The following CDH13 variants were observed in gnomAD, a reference collection of about 807,000 sequenced individuals.
CDH13 encodes the protein cadherin-13.
CDH13 carries 24 observed loss-of-function variants against 63.8 expected under a neutral mutation model. That is an observed-to-expected ratio of 0.38 (90% CI 0.27 to 0.53). CDH13 has a LOEUF of 0.53. Ranked by LOEUF, CDH13 falls within the 20% of genes least tolerant of loss-of-function variation. CDH13 has a pLI of 0.85. For synonymous variants in CDH13, 503 were observed against 355.3 expected (o/e 1.42, Z -4.67); for missense variants, 1,049 against 903.1 (o/e 1.16, Z -2.07).
intron 9 of CDH13, among the ~76,000 whole-genome samples, chr16:83,672,681 T>A (rs928266771): frequency 6.6e-6 from 1 of 152,116 alleles, no homozygotes; most frequent in African/African-American, 2.4e-5. Flanking sequence ...CGCCTTGGCC[T>A]CCCAAAGTGC....
At chr16:82,869,655 A>T (rs2151186109) in intron 2 of CDH13, among the ~76,000 whole-genome samples, 1 of 152,308 alleles carries the variant, frequency 6.6e-6, no homozygotes, top group South Asian at 2.1e-4. Flanking sequence ...AATGGGACAG[A>T]ATAGCTAACC....
At chr16:83,000,235 T>A (rs1455790200) in intron 2 of CDH13, among the ~76,000 whole-genome samples, 7 of 84,074 alleles carry the variant, frequency 8.3e-5, no homozygotes, top group South Asian at 4.9e-4. Flanking sequence ...TTTTTTTTTT[T>A]TTTTTTTTTT....
At chr16:83,608,743 A>G (rs1908588852) in intron 8 of CDH13, among the ~76,000 whole-genome samples, 1 of 151,334 alleles carries the variant, frequency 6.6e-6, no homozygotes. Context: ...ATTGGGCCCA[A>G]GCAATCCACC....
At chr16:83,349,961 G>T (rs1437630255) in intron 6 of CDH13, among the ~76,000 whole-genome samples, 1 of 152,122 alleles carries the variant, frequency 6.6e-6, no homozygotes, top group Non-Finnish European at 1.5e-5. Context: ...CCTTTTTGGG[G>T]AGCTCAAGGA....
intron 6 of CDH13, among the ~76,000 whole-genome samples, chr16:83,476,679 A>G (rs1287651529): frequency 2.6e-5 from 4 of 152,214 alleles, no homozygotes; most frequent in African/African-American, 9.7e-5. Context: ...ACTGTCTCAA[A>G]AAAAACTCTT....
At chr16:83,620,349 C>G (rs1244228704) in intron 8 of CDH13, among the ~76,000 whole-genome samples, 1 of 146,412 alleles carries the variant, frequency 6.8e-6, no homozygotes, top group African/African-American at 2.6e-5. Context: ...CGAGATCGCA[C>G]CACTGCACTA....
chr16:83,273,202 C>T (rs1195838814), intron 5 of CDH13, among the ~76,000 whole-genome samples: 1 of 151,946 alleles, frequency 6.6e-6, no homozygotes, highest in Non-Finnish European at 1.5e-5. Flanking sequence ...CTTTTAGGTG[C>T]AGGGGATACA....
At chr16:83,291,300 GT>G (rs2089460509) in intron 5 of CDH13, among the ~76,000 whole-genome samples, 1 of 152,064 alleles carries the variant, frequency 6.6e-6, no homozygotes, top group Admixed American at 6.6e-5. Context: ...TATTCAGGGG[GT>G]TCTACTTCTT....
chr16:83,621,407 G>A (rs1000937712), intron 8 of CDH13, among the ~76,000 whole-genome samples: 5 of 139,558 alleles, frequency 3.6e-5, no homozygotes, highest in African/African-American at 5.4e-5. Context: ...TATTACCACC[G>A]TTTTCCACTC....
intron 6 of CDH13, among the ~76,000 whole-genome samples, chr16:83,480,886 T>C (rs369280572): frequency 1.4e-4 from 22 of 152,232 alleles, no homozygotes; most frequent in African/African-American, 5.3e-4. Flanking sequence ...CTGTCTCACC[T>C]GGCTAAGCAC....
chr16:83,483,938 G>T (rs939527153), intron 6 of CDH13, among the ~76,000 whole-genome samples: 1 of 152,120 alleles, frequency 6.6e-6, no homozygotes. Flanking sequence ...CCAGAGACAG[G>T]GGGGCTGCAT....
chr16:83,426,961 C>A (rs956784193), intron 6 of CDH13, among the ~76,000 whole-genome samples: 5 of 114,070 alleles, frequency 4.4e-5, no homozygotes, highest in Non-Finnish European at 8.2e-5. Context: ...CTCGCTTGCT[C>A]TGTCGCCCAG....
At chr16:83,475,218 G>A (rs965477744) in intron 6 of CDH13, among the ~76,000 whole-genome samples, 8 of 152,358 alleles carry the variant, frequency 5.3e-5, no homozygotes, top group South Asian at 4.1e-4. Context: ...CAGGTCACAC[G>A]TTCATGAAGT....
chr16:83,727,073 A>T (rs893088748), intron 10 of CDH13, among the ~76,000 whole-genome samples: 2 of 152,122 alleles, frequency 1.3e-5, no homozygotes, highest in African/African-American at 2.4e-5. Flanking sequence ...ATACAATTCA[A>T]TGGTTTTTAG....
chr16:83,175,259 T>C (rs181964239), intron 4 of CDH13, among the ~76,000 whole-genome samples: 1 of 152,102 alleles, frequency 6.6e-6, no homozygotes, highest in East Asian at 1.9e-4. Context: ...ACAGAAGAAA[T>C]AAGGAAAAAT....
At chr16:83,297,187 A>C (rs747369812) in intron 5 of CDH13, among the ~76,000 whole-genome samples, 15 of 152,308 alleles carry the variant, frequency 9.8e-5, no homozygotes, top group Non-Finnish European at 2.1e-4. Context: ...TATAGTTTTC[A>C]TTATTATATT....
At chr16:83,224,211 T>C (rs928052491) in intron 5 of CDH13, among the ~76,000 whole-genome samples, 3 of 152,252 alleles carry the variant, frequency 2.0e-5, no homozygotes, top group Admixed American at 1.3e-4. Context: ...CATATATATA[T>C]GTATGTATAC....
chr16:82,639,006 A>T (rs1909052362), intron 1 of CDH13, among the ~76,000 whole-genome samples: 1 of 152,120 alleles, frequency 6.6e-6, no homozygotes, highest in South Asian at 2.1e-4. Flanking sequence ...AGAAGTTTTG[A>T]GTGGTGGAGT....
chr16:83,419,015 A>C (rs1333903632), intron 6 of CDH13, among the ~76,000 whole-genome samples: 2 of 152,100 alleles, frequency 1.3e-5, no homozygotes, highest in Non-Finnish European at 2.9e-5. Flanking sequence ...CCTTCATGAC[A>C]CCTCATCTGT....
Sources: gnomAD v4.1 joint callset for allele counts (sites outside exome capture counted in the v4.1 genomes callset) on GRCh38, gnomAD v4.1.1 for gene constraint, MANE v1.5 for transcripts, NCBI Gene and HGNC (gene_info 2026-07-23, HGNC 2026-07-21) for gene names.